Variants in LARGE1 observed in about 807,000 individuals in gnomAD.
The protein encoded by LARGE1 is LARGE xylosyl- and glucuronyltransferase 1, also known as xylosyl- and glucuronyltransferase LARGE1.
In LARGE1, 43 loss-of-function variants were observed where a neutral mutation model predicts 87.6. The ratio of observed to expected loss-of-function variants is 0.49; its 90% CI spans 0.38 to 0.63. LARGE1 has a LOEUF of 0.63. LARGE1 is among the 30% of genes least tolerant of loss of function. LARGE1 has a pLI of 0.00. For missense variants in LARGE1, 802 were observed against 1,000.2 expected, an observed-to-expected ratio of 0.80 and a Z score of 2.67; for synonymous variants, 434 against 394.6, an observed-to-expected ratio of 1.10 and a Z score of -1.18.
At chr22:33,781,176 T>C (rs192274431) in intron 1 of LARGE1, among the ~76,000 whole-genome samples, 164 of 152,304 alleles carry the variant, frequency 1.1e-3, no homozygotes, top group African/African-American at 3.8e-3. Context: ...ATTGCTCTTC[T>C]CACAGGATTT....
At chr22:33,625,354 C>G (rs955493880) in intron 4 of LARGE1, among the ~76,000 whole-genome samples, 1 of 152,174 alleles carries the variant, frequency 6.6e-6, no homozygotes, top group African/African-American at 2.4e-5. Flanking sequence ...GAAGCCAATG[C>G]TGGAAGTGTC....
intron 10 of LARGE1, among the ~76,000 whole-genome samples, chr22:33,327,243 T>C (rs982309734): frequency 7.2e-5 from 11 of 152,214 alleles, no homozygotes; most frequent in South Asian, 2.1e-4. Context: ...CTGTTGTTTT[T>C]TCCTCTTAGC....
chr22:33,521,199 G>GT (rs1306679838), intron 6 of LARGE1, among the ~76,000 whole-genome samples: 43 of 152,384 alleles, frequency 2.8e-4, no homozygotes, highest in Admixed American at 7.8e-4. Flanking sequence ...GTAGCACACT[G>GT]TATCAGTCAG....
In LARGE1 at chr22:33,273,422, T is replaced by C. The variant is rs1928527337; in HGVS notation, c.*1005A>G. 2.5e-6 allele frequency: 1 copy of C among 398,594 alleles called. No individual in the cohort carries two copies. Among genetic ancestry groups the C allele is most frequent in the South Asian group, 1.3e-4 (1 of 7,862 alleles). The allele number at this position is 398,594 out of a possible 1,614,324, so 24.7% of individuals were successfully genotyped here. ...GTGAATCTTCAGAACTGGGCTTTCA[T>C]GAATTATGAAAGTTCTTCGAAAGGC... is the stretch of plus-strand genomic sequence containing the variant. On this transcript the variant is annotated 3_prime_UTR_variant, in exon 15 of 15. Coordinates refer to ENST00000397394, the MANE Select transcript of LARGE1 (RefSeq NM_133642.5).
chr22:33,447,937 A>G (rs1379539814), intron 6 of LARGE1, among the ~76,000 whole-genome samples: 1 of 152,198 alleles, frequency 6.6e-6, no homozygotes, highest in Non-Finnish European at 1.5e-5. Flanking sequence ...TGCCACCTGG[A>G]TGAACCTTGG....
At chr22:33,422,066 CA>C (rs2066713294) in intron 7 of LARGE1, among the ~76,000 whole-genome samples, 1 of 152,246 alleles carries the variant, frequency 6.6e-6, no homozygotes, top group Non-Finnish European at 1.5e-5. Context: ...TCATTGCTGC[CA>C]ACCCCAGGAA....
At chr22:33,452,458 G>A (rs1273467975) in intron 6 of LARGE1, among the ~76,000 whole-genome samples, 1 of 152,150 alleles carries the variant, frequency 6.6e-6, no homozygotes, top group East Asian at 1.9e-4. Context: ...CTCCAGGAAG[G>A]GGCCCATGGC....
chr22:33,809,818 A>G (rs1001670217), intron 1 of LARGE1, among the ~76,000 whole-genome samples: 8 of 152,158 alleles, frequency 5.3e-5, no homozygotes, highest in South Asian at 2.1e-4. Flanking sequence ...GTACATCTCA[A>G]TTGGGGTGCT....
At chr22:33,697,296 G>C (rs891709219) in intron 2 of LARGE1, among the ~76,000 whole-genome samples, 7 of 152,120 alleles carry the variant, frequency 4.6e-5, no homozygotes, top group Admixed American at 1.3e-4. Flanking sequence ...GTCCGTAAGG[G>C]AGCAGCCACC....
At position 33,852,140 on chromosome 22, in the gene LARGE1, G is replaced by A. The variant is rs117699056; in HGVS notation, c.-83+67855C>T. Among the ~76,000 whole-genome samples, 4 of 152,234 alleles carry A rather than the reference G, an allele frequency of 2.6e-5. No homozygotes were observed. The East Asian group carries it at 5.8e-4, about 22-fold the overall frequency. On this transcript the variant is annotated intron_variant, in intron 1 of 14. Coordinates refer to ENST00000397394, the MANE Select transcript of LARGE1 (RefSeq NM_133642.5). ...AGGAACTATTCTTTGTAATTTTCTC[G>A]ACAACTTGTTCCACAAGTCACAATA...
At chr22:33,707,607 G>A (rs1455121100) in intron 2 of LARGE1, among the ~76,000 whole-genome samples, 2 of 152,172 alleles carry the variant, frequency 1.3e-5, no homozygotes, top group Non-Finnish European at 2.9e-5. Flanking sequence ...TGGAATCAAG[G>A]GAACTTTCTA....
At chr22:33,434,902 T>A (rs1019406158) in intron 6 of LARGE1, among the ~76,000 whole-genome samples, 2 of 152,218 alleles carry the variant, frequency 1.3e-5, no homozygotes, top group Non-Finnish European at 2.9e-5. Flanking sequence ...AAGCCTTTTA[T>A]GAATAAGCCC....
intron 5 of LARGE1, among the ~76,000 whole-genome samples, chr22:33,600,387 G>A (rs965643215): frequency 4.6e-5 from 7 of 152,226 alleles, no homozygotes; most frequent in Admixed American, 1.3e-4. Context: ...GGGAGCTTAC[G>A]GTATAGGAGA....
Position 33,750,581 on chromosome 22 carries a change from G to T in LARGE1, c.106+10790C>A, listed in dbSNP as rs1372664503. ...ATCTTCCACAATACAATAATAAAAG[G>T]TTTTTTTTTTTTCCATTTCCAGGAA... On this transcript the variant is annotated intron_variant, in intron 2 of 14. Coordinates refer to ENST00000397394, the MANE Select transcript of LARGE1 (RefSeq NM_133642.5). 2.7e-5 allele frequency: 4 copies of T among 147,242 alleles called. No homozygotes were observed. The East Asian group carries it at 5.9e-4, about 22-fold the overall frequency. 9.1% of individuals were successfully genotyped at this position (147,242 alleles called of 1,614,324 possible). A position where few individuals can be genotyped will look rare whatever the true frequency, so the allele number is the denominator to read the frequency against.
chr22:33,369,722 C>T lies in LARGE1; in HGVS notation c.1131+12197G>A, dbSNP rs144908291. Among the ~76,000 whole-genome samples the T allele has an allele frequency of 4.9e-3, 747 of 152,216 alleles. 3 individuals are homozygous for T. The highest frequency in any genetic ancestry group is 0.017 in the African/African-American group (687 of 41,536). On this transcript the variant is annotated intron_variant, in intron 9 of 14. Coordinates refer to ENST00000397394, the MANE Select transcript of LARGE1 (RefSeq NM_133642.5). Reference sequence around the variant, plus strand: ...TAGCTGGGATTACAGGTGCACATCACCACACCCGGCTAATTTTTATATTTT... The same window carrying T: ...TAGCTGGGATTACAGGTGCACATCATCACACCCGGCTAATTTTTATATTTT...
At chr22:33,740,336 A>G (rs114528480) in intron 2 of LARGE1, among the ~76,000 whole-genome samples, 450 of 152,346 alleles carry the variant, frequency 3.0e-3, no homozygotes, top group African/African-American at 9.1e-3. Context: ...AAATGGCAAT[A>G]GTGAGTCCTT....
At chr22:33,484,924 T>C (rs1023228921) in intron 6 of LARGE1, among the ~76,000 whole-genome samples, 6 of 151,430 alleles carry the variant, frequency 4.0e-5, no homozygotes, top group African/African-American at 1.5e-4. Flanking sequence ...TTTTTTTTTT[T>C]TTTTTGAGAC....
rs118085913 is a variant in LARGE1, at chr22:33,637,966, G to A, written c.409-11640C>T. 3.0e-4 allele frequency among the ~76,000 whole-genome samples: 45 copies of A among 152,246 alleles called. No individual in the cohort carries two copies. The East Asian group carries it at 7.9e-3, about 27-fold the overall frequency. On this transcript the variant is annotated intron_variant, in intron 3 of 14. Coordinates refer to ENST00000397394, the MANE Select transcript of LARGE1 (RefSeq NM_133642.5). ...TAAGGTGCCCTGAAAATCACTGCAC[G>A]TGACAATACCACCAGGTTCCTTCCA...
At chr22:33,327,151 C>T (rs529608982) in intron 10 of LARGE1, among the ~76,000 whole-genome samples, 1 of 152,334 alleles carries the variant, frequency 6.6e-6, no homozygotes, top group South Asian at 2.1e-4. Flanking sequence ...TGTTTCTTGG[C>T]ATTGTCTTGC....
Sources: gnomAD v4.1 joint callset for allele counts (sites outside exome capture counted in the v4.1 genomes callset) on GRCh38, gnomAD v4.1.1 for gene constraint, MANE v1.5 for transcripts, NCBI Gene and HGNC (gene_info 2026-07-23, HGNC 2026-07-21) for gene names.